PHACTR3: variants seen among roughly 807,000 people sequenced by gnomAD.
PHACTR3 encodes phosphatase and actin regulator 3.
In PHACTR3, 16 loss-of-function variants were observed where a neutral mutation model predicts 66.8. The ratio of observed to expected loss-of-function variants is 0.24; its 90% confidence interval spans 0.16 to 0.36. The LOEUF is 0.36. Among genes scored for constraint, PHACTR3 ranks in the 10% least tolerant of loss-of-function variants. The probability of loss-of-function intolerance (pLI) is 1.00; values close to 1 mark genes in which losing one functional copy is unlikely to be tolerated. For missense variants in PHACTR3, 647 were observed against 719.9 expected, an observed-to-expected ratio of 0.90 and a Z score of 1.16; for synonymous variants, 323 against 292.1, an observed-to-expected ratio of 1.11 and a Z score of -1.08.
intron 1 of PHACTR3, among the ~76,000 whole-genome samples, chr20:59,583,996 C>A (rs1030152417): frequency 6.6e-6 from 1 of 152,242 alleles, no homozygotes; most frequent in Non-Finnish European, 1.5e-5. Context: ...ACGAAGTGGG[C>A]CAGACCGGTG....
chr20:59,801,492 A>G (rs973344129), intron 7 of PHACTR3, among the ~76,000 whole-genome samples: 1 of 152,234 alleles, frequency 6.6e-6, no homozygotes, highest in African/African-American at 2.4e-5. Context: ...TTTTCACAAC[A>G]CATTCCTTCT....
At position 59,847,172 on chromosome 20, in the gene PHACTR3, C is replaced by T. The variant is rs755812557; in HGVS notation, c.*42C>T. On this transcript the variant is annotated 3_prime_UTR_variant, in exon 13 of 13. Coordinates refer to ENST00000371015, the MANE Select transcript of PHACTR3 (RefSeq NM_080672.5). ...AGAATTTGTGTTTAATTTTTTGATACCAACACTGAACATTCATCAGGGAAC... is the reference window on the plus strand; with the variant it reads ...AGAATTTGTGTTTAATTTTTTGATATCAACACTGAACATTCATCAGGGAAC... The T allele has an allele frequency of 2.1e-6, 3 of 1,441,624 alleles. No homozygotes were observed. The highest frequency in any genetic ancestry group is 3.4e-5 in the Admixed American group (2 of 58,960). 89.3% of individuals were successfully genotyped at this position (1,441,624 alleles called of 1,614,324 possible).
chr20:59,832,934 C>T (rs947135086), intron 8 of PHACTR3, among the ~76,000 whole-genome samples: 1 of 152,234 alleles, frequency 6.6e-6, no homozygotes. Flanking sequence ...CCCTAAGACC[C>T]TGCTTAGCAC....
intron 1 of PHACTR3, among the ~76,000 whole-genome samples, chr20:59,593,643 A>C (rs952644545): frequency 1.3e-5 from 2 of 152,142 alleles, no homozygotes; most frequent in African/African-American, 4.8e-5. Context: ...TTTTACATTT[A>C]GTTCTATGAT....
intron 7 of PHACTR3, among the ~76,000 whole-genome samples, chr20:59,800,075 A>C (rs1359487494): frequency 2.0e-5 from 3 of 152,174 alleles, no homozygotes; most frequent in African/African-American, 7.2e-5. Flanking sequence ...TCATGACCTC[A>C]CCAGAGTATA....
chr20:59,699,277 T>C (rs1163446917), intron 1 of PHACTR3, among the ~76,000 whole-genome samples: 1 of 152,170 alleles, frequency 6.6e-6, no homozygotes, highest in Non-Finnish European at 1.5e-5. Flanking sequence ...ATATGACATT[T>C]CCTAGATTTG....
At chr20:59,839,158 G>T (rs1351316589) in intron 9 of PHACTR3, among the ~76,000 whole-genome samples, 1 of 152,016 alleles carries the variant, frequency 6.6e-6, no homozygotes, top group Non-Finnish European at 1.5e-5. Flanking sequence ...AATCCCTCAT[G>T]GCTTGCCTTG....
At chr20:59,667,774 C>A (rs1316712336) in intron 1 of PHACTR3, among the ~76,000 whole-genome samples, 1 of 152,204 alleles carries the variant, frequency 6.6e-6, no homozygotes, top group African/African-American at 2.4e-5. Flanking sequence ...TGCTTCCTTT[C>A]TCTTGTGCTG....
rs151063436 is a variant in PHACTR3 at position 59,637,495 on chromosome 20, C to T, written c.118+32363C>T. The stretch of plus-strand genomic sequence containing the variant: ...AAAACATCTTAGCTCACATGAAATC[C>T]AAGTTCACAGCTGGTAAAAATGCCA... On this transcript the variant is annotated intron_variant, in intron 1 of 12. Coordinates refer to ENST00000371015, the MANE Select transcript of PHACTR3 (RefSeq NM_080672.5). Among the ~76,000 whole-genome samples, 71 of 152,212 alleles carry T rather than the reference C, an allele frequency of 4.7e-4. No homozygotes were observed. The East Asian group carries it at 0.013, about 27-fold the overall frequency.
At chr20:59,675,112 C>T (rs2036409311) in intron 1 of PHACTR3, among the ~76,000 whole-genome samples, 1 of 98,840 alleles carries the variant, frequency 1.0e-5, no homozygotes, top group Non-Finnish European at 2.1e-5. Context: ...TTCCCTTCCC[C>T]CTCCTCCCCT....
chr20:59,728,647 CAA>C (rs560288078), intron 1 of PHACTR3, among the ~76,000 whole-genome samples: 22 of 152,236 alleles, frequency 1.4e-4, no homozygotes, highest in African/African-American at 4.6e-4. Flanking sequence ...CTCTTTTCCA[CAA>C]AGAGTCTTAC....
chr20:59,791,430 C>T (rs2041091300), intron 7 of PHACTR3, among the ~76,000 whole-genome samples: 1 of 152,146 alleles, frequency 6.6e-6, no homozygotes, highest in Non-Finnish European at 1.5e-5. Flanking sequence ...ATGGTCAGAG[C>T]AAGCTCCCTG....
chr20:59,733,101 T>C (rs1160344152), intron 1 of PHACTR3, among the ~76,000 whole-genome samples: 1 of 143,510 alleles, frequency 7.0e-6, no homozygotes, highest in East Asian at 2.0e-4. Flanking sequence ...CATCCCTCCC[T>C]GCCCTCCACC....
At chr20:59,760,536 T>A (rs1054144927) in intron 4 of PHACTR3, among the ~76,000 whole-genome samples, 3 of 152,192 alleles carry the variant, frequency 2.0e-5, no homozygotes, top group Non-Finnish European at 4.4e-5. Context: ...AAACCCCTTT[T>A]GCTTCGTTCT....
chr20:59,614,298 G>A (rs545387404), intron 1 of PHACTR3, among the ~76,000 whole-genome samples: 7 of 152,354 alleles, frequency 4.6e-5, no homozygotes, highest in African/African-American at 1.4e-4. Context: ...GCACACAGAG[G>A]CAGATGTACT....
At chr20:59,790,804 T>G (rs1355174000) in intron 7 of PHACTR3, among the ~76,000 whole-genome samples, 1 of 152,228 alleles carries the variant, frequency 6.6e-6, no homozygotes, top group African/African-American at 2.4e-5. Context: ...AGCAGTCGCT[T>G]TTTTTAGAGG....
intron 11 of PHACTR3, among the ~76,000 whole-genome samples, chr20:59,842,377 T>G (rs989815873): frequency 2.0e-5 from 3 of 152,198 alleles, no homozygotes; most frequent in Non-Finnish European, 4.4e-5. Context: ...TACACAGATA[T>G]TGCATCAACT....
At chr20:59,634,236 G>A (rs2034770776) in intron 1 of PHACTR3, among the ~76,000 whole-genome samples, 1 of 152,224 alleles carries the variant, frequency 6.6e-6, no homozygotes. Flanking sequence ...GAAGTGTTGT[G>A]GTTGCAAGTG....
chr20:59,795,638 T>C (rs1162719823), intron 7 of PHACTR3, among the ~76,000 whole-genome samples: 1 of 152,152 alleles, frequency 6.6e-6, no homozygotes, highest in East Asian at 1.9e-4. Flanking sequence ...TCTAATAATA[T>C]GTGCTTTATA....
Sources: allele counts gnomAD v4.1 joint callset (sites outside exome capture counted in the v4.1 genomes callset), GRCh38; gene constraint gnomAD v4.1.1; transcripts MANE v1.5; gene names NCBI Gene and HGNC (gene_info 2026-07-23, HGNC 2026-07-21).